DTNBP1: variants seen among roughly 807,000 people sequenced by gnomAD.
DTNBP1 encodes dystrobrevin binding protein 1.
DTNBP1 carries 35 observed loss-of-function variants against 42.8 expected under a neutral mutation model. The ratio of observed to expected loss-of-function variants is 0.82; its 90% CI spans 0.63 to 1.09. The LOEUF (loss-of-function observed/expected upper bound fraction) is 1.09, where lower values mean the gene tolerates loss of function less well. DTNBP1 is among the 50% of genes least tolerant of loss of function. The pLI, the probability that DTNBP1 is intolerant of heterozygous loss-of-function variation, is 0.00. For missense variants in DTNBP1, 457 were observed against 424.2 expected, an observed-to-expected ratio of 1.08 and a Z score of -0.68; for synonymous variants, 171 against 162.2, an observed-to-expected ratio of 1.05 and a Z score of -0.41.
intron 7 of DTNBP1, among the ~76,000 whole-genome samples, chr6:15,539,262 A>G (rs1178554522): frequency 6.6e-6 from 1 of 152,234 alleles, no homozygotes; most frequent in Non-Finnish European, 1.5e-5. Context: ...CATTCTGCTC[A>G]TACTGTTGCC....
intron 7 of DTNBP1, among the ~76,000 whole-genome samples, chr6:15,582,290 C>T (rs189649223): frequency 1.0e-3 from 153 of 152,282 alleles, no homozygotes; most frequent in Non-Finnish European, 1.6e-3. Context: ...GTTTTGAGGG[C>T]AGACGTTCCT....
At chr6:15,556,808 C>CT (rs1323478198) in intron 7 of DTNBP1, among the ~76,000 whole-genome samples, 1 of 152,124 alleles carries the variant, frequency 6.6e-6, no homozygotes, top group Non-Finnish European at 1.5e-5. Context: ...CCTTTCCTAT[C>CT]TTTTCTGTCA....
At chr6:15,604,000 C>T (rs1357208657) in intron 6 of DTNBP1, among the ~76,000 whole-genome samples, 1 of 152,212 alleles carries the variant, frequency 6.6e-6, no homozygotes, top group African/African-American at 2.4e-5. Flanking sequence ...CTTGATCTCC[C>T]CAGATTTAGC....
intron 5 of DTNBP1, among the ~76,000 whole-genome samples, chr6:15,622,158 T>C (rs1371332322): frequency 6.6e-6 from 1 of 152,226 alleles, no homozygotes; most frequent in Non-Finnish European, 1.5e-5. Flanking sequence ...TTCATGGTCA[T>C]CTAGTTTAAA....
intron 3 of DTNBP1, among the ~76,000 whole-genome samples, chr6:15,648,994 T>TG (rs1554174892): frequency 1.3e-5 from 2 of 151,842 alleles, no homozygotes; most frequent in Non-Finnish European, 2.9e-5. Context: ...GTAGCTATAA[T>TG]AAAAAACAAG....
At chr6:15,546,398 TTTA>T (rs1452232046) in intron 7 of DTNBP1, among the ~76,000 whole-genome samples, 2 of 152,104 alleles carry the variant, frequency 1.3e-5, no homozygotes, top group East Asian at 3.9e-4. Context: ...AGAATCTATT[TTTA>T]TTTACTTCTG....
intron 4 of DTNBP1, among the ~76,000 whole-genome samples, chr6:15,637,271 C>A (rs1333952929): frequency 1.3e-5 from 2 of 152,066 alleles, no homozygotes; most frequent in African/African-American, 2.4e-5. Context: ...ATACTTTGTT[C>A]TTCTAAGTGA....
At chr6:15,622,382 G>A (rs2743872) in intron 5 of DTNBP1, among the ~76,000 whole-genome samples, 1 of 151,948 alleles carries the variant, frequency 6.6e-6, no homozygotes, top group Non-Finnish European at 1.5e-5. Context: ...AAAAATAAAG[G>A]TTCATCCCCT....
Position 15,662,813 on chromosome 6 carries a change from C to G in DTNBP1, c.56+1G>C. ...CTTTTCGTCGCCCACCGTATACCCA[C>G]CCGGAGGTGAAATCCTGCTGCACGC... On this transcript the variant is annotated splice_donor_variant, in intron 1 of 9. Transcript: ENST00000344537. LOFTEE classifies it high-confidence loss of function. 6.2e-7 allele frequency: 1 copy of G among 1,611,982 alleles called. No individual in the cohort carries two copies. The highest frequency in any genetic ancestry group is 8.5e-7 in the Non-Finnish European group (1 of 1,179,540).
intron 7 of DTNBP1, among the ~76,000 whole-genome samples, chr6:15,556,947 A>G (rs2113452206): frequency 6.6e-6 from 1 of 152,290 alleles, no homozygotes; most frequent in South Asian, 2.1e-4. Flanking sequence ...TTTGACTTGA[A>G]AATTGTTCAG....
chr6:15,658,173 A>G (rs924329261), intron 1 of DTNBP1, among the ~76,000 whole-genome samples: 1 of 152,218 alleles, frequency 6.6e-6, no homozygotes, highest in African/African-American at 2.4e-5. Flanking sequence ...ATGGGCTCTC[A>G]AATCTTTTTT....
At chr6:15,630,195 G>C (rs981819861) in intron 4 of DTNBP1, among the ~76,000 whole-genome samples, 3 of 152,142 alleles carry the variant, frequency 2.0e-5, no homozygotes, top group Non-Finnish European at 4.4e-5. Flanking sequence ...ATAAAACTCA[G>C]CAGTTCAGAG....
At chr6:15,535,224 C>T (rs1343163318) in intron 7 of DTNBP1, among the ~76,000 whole-genome samples, 1 of 152,120 alleles carries the variant, frequency 6.6e-6, no homozygotes, top group Admixed American at 6.5e-5. Flanking sequence ...GTGAAGGAGC[C>T]TGCTTCCCCT....
At chr6:15,636,771 C>A (rs1760053724) in intron 4 of DTNBP1, among the ~76,000 whole-genome samples, 1 of 152,160 alleles carries the variant, frequency 6.6e-6, no homozygotes, top group Admixed American at 6.6e-5. Context: ...GTATTTTGAT[C>A]CCGACTTCCA....
rs1205620587 is a variant in DTNBP1, at chr6:15,524,660, C to T, written c.677G>A (p.Gly226Asp). Reference protein sequence around the residue: ...LQIAERREPIGSMSSMEVNVD... With the variant: ...LQIAERREPIDSMSSMEVNVD... ...GTTCACTTCCATGGATGACATGCTG[C>T]CTATGGGCTCTGCGGATAGATCAAC... The change falls in exon 9 of 10, where the codon GGC (glycine) becomes GAC (aspartate). Residue 226 changes from glycine to aspartate, a missense_variant. Gly to Asp is a moderately conservative substitution (Grantham distance 94). Coordinates refer to ENST00000344537, the MANE Select transcript of DTNBP1 (RefSeq NM_032122.5). 1 of 1,613,162 alleles carries T rather than the reference C, an allele frequency of 6.2e-7. No homozygotes were observed. Among genetic ancestry groups the T allele is most frequent in the Non-Finnish European group, 8.5e-7 (1 of 1,179,986 alleles).
intron 6 of DTNBP1, among the ~76,000 whole-genome samples, chr6:15,612,356 CA>C (rs367806507): frequency 1.0e-4 from 15 of 147,674 alleles, no homozygotes; most frequent in African/African-American, 2.0e-4. Flanking sequence ...ACTAGGAAAG[CA>C]AAAAAAAAAT....
intron 6 of DTNBP1, among the ~76,000 whole-genome samples, chr6:15,610,138 T>G (rs1183436886): frequency 6.6e-6 from 1 of 152,184 alleles, no homozygotes; most frequent in East Asian, 1.9e-4. Context: ...CATTGCCTGA[T>G]GAGCTAGGGA....
chr6:15,583,460 T>G (rs1581358355), intron 7 of DTNBP1, among the ~76,000 whole-genome samples: 1 of 152,310 alleles, frequency 6.6e-6, no homozygotes, highest in South Asian at 2.1e-4. Context: ...CCATCCCAGT[T>G]GCCTTCAACA....
chr6:15,627,466 T>C lies in DTNBP1; in HGVS notation c.232A>G (p.Ser78Gly). The change falls in exon 5 of 10, where the codon AGC becomes GGC. Residue 78 changes from serine (S) to glycine (G), a missense_variant. Transcript: ENST00000344537. The stretch of plus-strand genomic sequence containing the variant: ...TGCGCAGAAAGCATGACCACCTCGC[T>C]ATCCACCAGCTGCAGCACACAAGAA... ...DCASAGELVDSEVVMLSAHWE... is the reference protein window; with the variant it reads ...DCASAGELVDGEVVMLSAHWE... 6.2e-7 allele frequency: 1 copy of C among 1,613,954 alleles called. No homozygotes were observed. Among genetic ancestry groups the C allele is most frequent in the Non-Finnish European group, 8.5e-7 (1 of 1,179,942 alleles).
Sources: allele counts gnomAD v4.1 joint callset (sites outside exome capture counted in the v4.1 genomes callset), GRCh38; gene constraint gnomAD v4.1.1; transcripts MANE v1.5; gene names NCBI Gene and HGNC (gene_info 2026-07-23, HGNC 2026-07-21).